The following SMAD7 variants were observed in gnomAD, a reference collection of about 807,000 sequenced individuals.
SMAD7 encodes SMAD family member 7.
A neutral mutation model predicts 38.7 loss-of-function variants in SMAD7; 8 were observed. The observed-to-expected ratio is 0.21, with a 90% CI of 0.12 to 0.37. The LOEUF is 0.37. Ranked by LOEUF, SMAD7 falls within the 10% of genes least tolerant of loss-of-function variation. The pLI, the probability that SMAD7 is intolerant of heterozygous loss-of-function variation, is 1.00. For synonymous variants in SMAD7, 327 were observed against 265.1 expected (o/e 1.23, Z -2.27); for missense variants, 477 against 577.9 (o/e 0.83, Z 1.79).
In SMAD7 at chr18:48,940,272, G is replaced by T. The variant is rs553369162; in HGVS notation, c.742+2209C>A. On this transcript the variant is annotated intron_variant, in intron 3 of 3. Coordinates refer to ENST00000262158, the MANE Select transcript of SMAD7 (RefSeq NM_005904.4). ...TTCAAAACAAATGCTCTTGCCATGT[G>T]GAAGGCCCCCTCTTCTCTCTGCAGT... 3.3e-5 allele frequency among the ~76,000 whole-genome samples: 5 copies of T among 152,336 alleles called. No homozygotes were observed. In the East Asian group the frequency reaches 9.6e-4, roughly 29 times the overall value.
In SMAD7 at chr18:48,950,130, C is replaced by A. The variant is rs2070244912; in HGVS notation, c.295G>T (p.Val99Leu). 4.0e-6 allele frequency: 6 copies of A among 1,495,370 alleles called. No individual in the cohort carries two copies. The highest frequency in any genetic ancestry group is 2.9e-5 in the East Asian group (1 of 34,448). The allele number at this position is 1,495,370 out of a possible 1,614,324, so 92.6% of individuals were successfully genotyped here. ...EADLKALTHSVLKKLKERQLE... is the reference protein window; with the variant it reads ...EADLKALTHSLLKKLKERQLE... ...TGCCGCTCCTTCAGTTTCTTGAGCA[C>A]CGAGTGCGTGAGCGCCTTCAGATCC... The change falls in exon 1 of 4, where the codon GTG becomes TTG. Residue 99 changes from valine to leucine, a missense_variant. Physicochemically the swap from Val to Leu is conservative, Grantham distance 32. Coordinates refer to ENST00000262158, the MANE Select transcript of SMAD7 (RefSeq NM_005904.4).
chr18:48,920,302 C>T lies in SMAD7; in HGVS notation c.*1070G>A, dbSNP rs1244943853. On this transcript the variant is annotated 3_prime_UTR_variant, in exon 4 of 4. Coordinates refer to ENST00000262158, the MANE Select transcript of SMAD7 (RefSeq NM_005904.4). ...CTAAGAACAGTGTCGAAGTATCATA[C>T]GAGTGTATGAGTTGTAGAAGAAATG... 3 of 152,502 alleles carry T rather than the reference C, an allele frequency of 2.0e-5. No homozygotes were observed. The highest frequency in any genetic ancestry group is 2.1e-4 in the South Asian group (1 of 4,826). The allele number at this position is 152,502 out of a possible 1,614,324, so 9.4% of individuals were successfully genotyped here. A position where few individuals can be genotyped will look rare whatever the true frequency, so the allele number is the denominator to read the frequency against.
chr18:48,934,168 T>C (rs561113876), intron 3 of SMAD7, among the ~76,000 whole-genome samples: 169 of 152,210 alleles, frequency 1.1e-3, no homozygotes, highest in African/African-American at 3.9e-3. Context: ...TGCTTCTAGG[T>C]GAACCATATC....
intron 3 of SMAD7, among the ~76,000 whole-genome samples, chr18:48,926,225 A>G (rs1436071567): frequency 4.6e-5 from 7 of 152,182 alleles, no homozygotes; most frequent in Admixed American, 4.6e-4. Flanking sequence ...GCACGCGTGG[A>G]AGAGAAGCTA....
chr18:48,929,453 G>A (rs2069965948), intron 3 of SMAD7, among the ~76,000 whole-genome samples: 1 of 151,960 alleles, frequency 6.6e-6, no homozygotes, highest in East Asian at 1.9e-4. Context: ...TGAGAGTGTA[G>A]GAGATTCCCC....
chr18:48,934,577 T>C (rs577442847), intron 3 of SMAD7, among the ~76,000 whole-genome samples: 102 of 152,304 alleles, frequency 6.7e-4, no homozygotes, highest in Non-Finnish European at 1.3e-3. Context: ...TGCTTGGCCT[T>C]ACCATTTGGG....
chr18:48,936,278 C>T (rs2070065069), intron 3 of SMAD7, among the ~76,000 whole-genome samples: 1 of 152,190 alleles, frequency 6.6e-6, no homozygotes. Context: ...TCTCCACAAT[C>T]ACTGTTCCTT....
chr18:48,932,051 T>C (rs1425058576), intron 3 of SMAD7, among the ~76,000 whole-genome samples: 2 of 152,208 alleles, frequency 1.3e-5, no homozygotes, highest in Non-Finnish European at 2.9e-5. Flanking sequence ...AAGAACGGTA[T>C]GGTGCACTCA....
intron 1 of SMAD7, 109 bp from the exon 2 acceptor site, chr18:48,948,546 G>A (rs745570768): frequency 6.8e-5 from 51 of 753,140 alleles, no homozygotes; most frequent in Non-Finnish European, 1.0e-4. Context: ...TTAGCTGTGG[G>A]GGTTGGAGGC....
At chr18:48,934,231 G>C (rs1030091002) in intron 3 of SMAD7, among the ~76,000 whole-genome samples, 1 of 152,272 alleles carries the variant, frequency 6.6e-6, no homozygotes, top group South Asian at 2.1e-4. Flanking sequence ...TACCAGGGCA[G>C]CTCCGAGACC....
rs930183203 is a variant in SMAD7 at position 48,920,996 on chromosome 18, A to G, written c.*376T>C. The G allele has an allele frequency of 6.2e-5, 13 of 210,306 alleles. No individual in the cohort carries two copies. The highest frequency in any genetic ancestry group is 1.1e-4 in the Admixed American group (2 of 18,628). 13.0% of individuals were successfully genotyped at this position (210,306 alleles called of 1,614,324 possible). ...TTGTCTCCCCATCTGCCGCTCCTGC[A>G]CACGCGTGCACACACAGCCGCACAC... On this transcript the variant is annotated 3_prime_UTR_variant, in exon 4 of 4. Transcript: ENST00000262158.
intron 3 of SMAD7, among the ~76,000 whole-genome samples, chr18:48,925,952 T>C (rs1355769863): frequency 6.6e-6 from 1 of 152,170 alleles, no homozygotes. Context: ...TTCACCGTGT[T>C]AGCCAGGATG....
rs374280295 is a variant in SMAD7 at position 48,937,149 on chromosome 18, T to C, written c.742+5332A>G. The stretch of plus-strand genomic sequence containing the variant: ...AAGCAAAGGAAGCCAAACTTGATCA[T>C]GAATTCTTCGGCATTTCCTCCCTTT... On this transcript the variant is annotated intron_variant, in intron 3 of 3. Coordinates refer to ENST00000262158, the MANE Select transcript of SMAD7 (RefSeq NM_005904.4). Among the ~76,000 whole-genome samples the C allele has an allele frequency of 5.1e-4, 78 of 152,262 alleles. No homozygotes were observed. The South Asian group carries it at 0.015, about 30-fold the overall frequency.
chr18:48,932,326 G>A lies in SMAD7; in HGVS notation c.742+10155C>T, dbSNP rs760079456. Reference sequence around the variant, plus strand: ...AGACAGCTAATCTGCCAACGGCACAGTCATATCTTGGCGTCTTATTGTTTT... The same window carrying A: ...AGACAGCTAATCTGCCAACGGCACAATCATATCTTGGCGTCTTATTGTTTT... On this transcript the variant is annotated intron_variant, in intron 3 of 3. Coordinates refer to ENST00000262158, the MANE Select transcript of SMAD7 (RefSeq NM_005904.4). Among the ~76,000 whole-genome samples, 38 of 152,328 alleles carry A rather than the reference G, an allele frequency of 2.5e-4. 1 individual carries two copies. Among genetic ancestry groups the A allele is most frequent in the Admixed American group, 9.1e-4 (14 of 15,304 alleles).
intron 3 of SMAD7, among the ~76,000 whole-genome samples, chr18:48,923,229 C>T (rs971475823): frequency 6.6e-6 from 1 of 152,232 alleles, no homozygotes; most frequent in Non-Finnish European, 1.5e-5. Context: ...CTCTTGGGGA[C>T]CTGGGGGGCA....
At chr18:48,943,064 A>C (rs1257054038) in intron 2 of SMAD7, among the ~76,000 whole-genome samples, 1 of 152,180 alleles carries the variant, frequency 6.6e-6, no homozygotes, top group Non-Finnish European at 1.5e-5. Flanking sequence ...TTGAGGACTA[A>C]CTTAAGTAGA....
chr18:48,949,660 A>T (rs2070237695), intron 1 of SMAD7, 152 bp downstream of exon 1: 2 of 745,174 alleles, frequency 2.7e-6, no homozygotes, highest in South Asian at 5.1e-5. Context: ...CCAGGAGGGT[A>T]TGCACACTCT....
intron 3 of SMAD7, chr18:48,933,719 A>G (rs369876593): frequency 6.1e-4 from 93 of 152,468 alleles, no homozygotes; most frequent in African/African-American, 2.1e-3. Flanking sequence ...CCGCCGCGGC[A>G]TATGCCACTG....
rs752480111 is a variant in SMAD7, at chr18:48,950,391, G to A, written c.34C>T (p.Arg12Cys). 41 of 1,546,394 alleles carry A rather than the reference G, an allele frequency of 2.7e-5. No individual in the cohort carries two copies. Among genetic ancestry groups the A allele is most frequent in the Non-Finnish European group, 8.7e-7 (1 of 1,147,162 alleles). Residue 12 changes from arginine (R) to cysteine (C), a missense_variant, in exon 1 of 4, where the codon CGT becomes TGT. Around this residue, in one of 2 missense-constraint regions of SMAD7, gnomAD observed 376 missense variants for 379.4 expected, o/e 0.99. Coordinates refer to ENST00000262158, the MANE Select transcript of SMAD7 (RefSeq NM_005904.4). ...FRTKRSALVR[R>C]LWRSRAPGGE... is the part of the protein sequence containing the mutation. ...CCGGGCGCACGGCTCCTCCAGAGAC[G>A]CCGGACGAGCGCAGATCGTTTGGTC...
Sources: gnomAD v4.1 joint callset for allele counts (sites outside exome capture counted in the v4.1 genomes callset) on GRCh38, gnomAD v4.1.1 for gene constraint, gnomAD v4.1.1 regional missense constraint, MANE v1.5 for transcripts, NCBI Gene and HGNC (gene_info 2026-07-23, HGNC 2026-07-21) for gene names.